Variants in PRKG1 observed in about 807,000 individuals in gnomAD.
PRKG1 encodes cGMP-dependent protein kinase 1.
PRKG1 carries 35 observed loss-of-function variants against 88.1 expected under a neutral mutation model. The ratio of observed to expected loss-of-function variants is 0.40; its 90% confidence interval spans 0.30 to 0.53. The LOEUF is 0.53. Among genes scored for constraint, PRKG1 ranks in the 20% least tolerant of loss-of-function variants. PRKG1 has a pLI of 0.59. For missense variants in PRKG1, 540 were observed against 839.8 expected (o/e 0.64, Z 4.41); for synonymous variants, 303 against 292.5 (o/e 1.04, Z -0.37).
At chr10:51,815,054 C>T (rs1290066459) in intron 4 of PRKG1, among the ~76,000 whole-genome samples, 1 of 152,188 alleles carries the variant, frequency 6.6e-6, no homozygotes, top group Non-Finnish European at 1.5e-5. Flanking sequence ...GTGCTGGCCT[C>T]TCCCTGAGCC....
At chr10:51,668,431 AG>A (rs1386887834) in intron 3 of PRKG1, among the ~76,000 whole-genome samples, 2 of 152,210 alleles carry the variant, frequency 1.3e-5, no homozygotes, top group African/African-American at 4.8e-5. Context: ...GTTTTGAGAC[AG>A]GGTCTTGTTC....
At chr10:51,703,542 G>A (rs7099345) in intron 3 of PRKG1, among the ~76,000 whole-genome samples, 39,849 of 151,928 alleles carry the variant, frequency 0.26, 7,714 homozygotes, top group African/African-American at 0.55. Context: ...CTTCTAAACT[G>A]TAAAATCATT....
intron 5 of PRKG1, among the ~76,000 whole-genome samples, chr10:52,001,454 T>A (rs962516171): frequency 6.6e-6 from 1 of 151,954 alleles, no homozygotes; most frequent in Admixed American, 6.6e-5. Flanking sequence ...CATCCAAACA[T>A]CACATTGTAT....
chr10:52,244,935 T>A (rs1840984723), intron 9 of PRKG1, among the ~76,000 whole-genome samples: 1 of 143,974 alleles, frequency 6.9e-6, no homozygotes, highest in African/African-American at 2.5e-5. Context: ...TAAATATACT[T>A]TAAATATATA....
chr10:51,250,318 G>A (rs989643397), intron 2 of PRKG1, among the ~76,000 whole-genome samples: 18 of 151,906 alleles, frequency 1.2e-4, no homozygotes, highest in Non-Finnish European at 2.2e-4. Context: ...ATCAATTTAT[G>A]ACATTTGAAA....
chr10:51,753,373 A>G (rs533680964), intron 3 of PRKG1, among the ~76,000 whole-genome samples: 1 of 152,316 alleles, frequency 6.6e-6, no homozygotes, highest in Non-Finnish European at 1.5e-5. Context: ...GAATCTAAGC[A>G]TAAATTATTT....
At chr10:50,998,816 A>T (rs915985153) in intron 1 of PRKG1, among the ~76,000 whole-genome samples, 1 of 152,242 alleles carries the variant, frequency 6.6e-6, no homozygotes, top group Non-Finnish European at 1.5e-5. Context: ...CAAAATGGAT[A>T]TATCCAGAAA....
chr10:51,255,192 C>T (rs1231978790), intron 2 of PRKG1, among the ~76,000 whole-genome samples: 1 of 152,072 alleles, frequency 6.6e-6, no homozygotes, highest in Non-Finnish European at 1.5e-5. Flanking sequence ...AATTCAATTT[C>T]TACATATGTT....
intron 2 of PRKG1, among the ~76,000 whole-genome samples, chr10:51,315,968 A>G (rs1841306539): frequency 6.6e-6 from 1 of 152,206 alleles, no homozygotes; most frequent in African/African-American, 2.4e-5. Flanking sequence ...AAAATCTCCT[A>G]TAATTGGGTT....
At chr10:51,968,846 A>G (rs1335729820) in intron 5 of PRKG1, among the ~76,000 whole-genome samples, 1 of 151,494 alleles carries the variant, frequency 6.6e-6, no homozygotes, top group African/African-American at 2.4e-5. Context: ...AAGAAAAAAG[A>G]AAAAAATAGT....
intron 3 of PRKG1, among the ~76,000 whole-genome samples, chr10:51,688,370 G>A (rs1316308661): frequency 6.6e-6 from 1 of 152,204 alleles, no homozygotes; most frequent in East Asian, 1.9e-4. Flanking sequence ...CACAAGGAAG[G>A]GGAAGGAGGA....
At chr10:51,512,039 G>C (rs1841427186) in intron 3 of PRKG1, among the ~76,000 whole-genome samples, 1 of 152,218 alleles carries the variant, frequency 6.6e-6, no homozygotes, top group Non-Finnish European at 1.5e-5. Context: ...TATATGTCAT[G>C]TGATTCCATT....
In PRKG1 at chr10:51,593,287, G is replaced by A. The variant is rs183206678; in HGVS notation, c.592+125451G>A. Reference sequence around the variant, plus strand: ...CAAGAGAAATGCTGATTTCCTTTAAGAGGGTAATACCCTATACTGAGAAAA... The same window carrying A: ...CAAGAGAAATGCTGATTTCCTTTAAAAGGGTAATACCCTATACTGAGAAAA... On this transcript the variant is annotated intron_variant, in intron 3 of 17. Coordinates refer to ENST00000373980, the MANE Select transcript of PRKG1 (RefSeq NM_006258.4). Among the ~76,000 whole-genome samples the A allele has an allele frequency of 2.8e-4, 42 of 151,842 alleles. No individual in the cohort carries two copies. The East Asian group carries it at 7.7e-3, about 28-fold the overall frequency.
At chr10:51,532,799 A>T (rs934482550) in intron 3 of PRKG1, among the ~76,000 whole-genome samples, 1 of 152,146 alleles carries the variant, frequency 6.6e-6, no homozygotes, top group Non-Finnish European at 1.5e-5. Flanking sequence ...AAATTTATTG[A>T]CTTTATTAAG....
At position 51,590,150 on chromosome 10, in the gene PRKG1, G is replaced by A. The variant is rs969355290; in HGVS notation, c.592+122314G>A. ...GACCAACATAGTTGTGACTGATTTT[G>A]AGAAATTATTTCATTTTCAGCATCT... On this transcript the variant is annotated intron_variant, in intron 3 of 17. Coordinates refer to ENST00000373980, the MANE Select transcript of PRKG1 (RefSeq NM_006258.4). Among the ~76,000 whole-genome samples the A allele has an allele frequency of 2.0e-5, 3 of 152,268 alleles. No individual in the cohort carries two copies. The South Asian group carries it at 6.2e-4, about 32-fold the overall frequency.
intron 3 of PRKG1, among the ~76,000 whole-genome samples, chr10:51,628,160 CTTTA>C (rs1382306868): frequency 0.026 from 1,338 of 51,242 alleles, 28 homozygotes; most frequent in African/African-American, 0.076. Flanking sequence ...TTCTTTCTTT[CTTTA>C]TTTATTTCTT....
chr10:51,299,805 A>G (rs1205455510), intron 2 of PRKG1: 2 of 319,724 alleles, frequency 6.3e-6, no homozygotes, highest in Non-Finnish European at 1.2e-5. Flanking sequence ...GAAATTCAAT[A>G]AAGGACTCTT....
chr10:51,075,145 C>T (rs2132805735), intron 1 of PRKG1, among the ~76,000 whole-genome samples: 1 of 152,312 alleles, frequency 6.6e-6, no homozygotes, highest in East Asian at 1.9e-4. Context: ...TATACATATA[C>T]ATTCGTATAA....
chr10:51,943,048 T>C (rs1199313090), intron 5 of PRKG1, among the ~76,000 whole-genome samples: 5 of 152,062 alleles, frequency 3.3e-5, no homozygotes, highest in African/African-American at 9.7e-5. Context: ...TTGGGCAGTA[T>C]GGCCATTTTC....
Sources: allele counts gnomAD v4.1 joint callset (sites outside exome capture counted in the v4.1 genomes callset), GRCh38; gene constraint gnomAD v4.1.1; transcripts MANE v1.5; gene names NCBI Gene and HGNC (gene_info 2026-07-23, HGNC 2026-07-21).